CCDC195: variants seen among roughly 807,000 people sequenced by gnomAD.
CCDC195 encodes coiled-coil domain containing 195.
rs1689298705 is a variant in CCDC195 at position 224,710,232 on chromosome 2, C to T, written c.236-13G>A. ...ATCATGACATTGCCTGTACAAAAGA[C>T]ACAAAATCCAACTTAAAAAAATTCT... is the stretch of plus-strand genomic sequence containing the variant. On this transcript the variant is annotated splice_polypyrimidine_tract_variant and intron_variant, in intron 1 of 2. Transcript: ENST00000638102. 5.0e-6 allele frequency: 2 copies of T among 398,546 alleles called. No individual in the cohort carries two copies. The highest frequency in any genetic ancestry group is 3.6e-5 in the East Asian group (1 of 28,076). 24.7% of individuals were successfully genotyped at this position (398,546 alleles called of 1,614,324 possible).
chr2:224,715,730 TC>T, intron 1 of CCDC195, among the ~76,000 whole-genome samples: 1 of 152,342 alleles, frequency 6.6e-6, no homozygotes, highest in South Asian at 2.1e-4. Context: ...GACTTTGACA[TC>T]CATTCCCTTA....
At chr2:224,712,238 G>GT (rs1265344232) in intron 1 of CCDC195, among the ~76,000 whole-genome samples, 3 of 152,114 alleles carry the variant, frequency 2.0e-5, no homozygotes, top group Non-Finnish European at 4.4e-5. Flanking sequence ...AAAGATCACA[G>GT]CCAAATGCAG....
chr2:224,711,851 A>G (rs1689322875), intron 1 of CCDC195, among the ~76,000 whole-genome samples: 1 of 152,206 alleles, frequency 6.6e-6, no homozygotes, highest in Non-Finnish European at 1.5e-5. Context: ...GGGAGAGTTT[A>G]AGTTCAAATC....
chr2:224,711,273 G>A (rs1574757040), intron 1 of CCDC195, among the ~76,000 whole-genome samples: 2 of 151,976 alleles, frequency 1.3e-5, no homozygotes, highest in African/African-American at 2.4e-5. Flanking sequence ...AGAGATTTGT[G>A]GCTTTAGTTT....
chr2:224,711,919 G>T (rs1689323731), intron 1 of CCDC195, among the ~76,000 whole-genome samples: 1 of 152,134 alleles, frequency 6.6e-6, no homozygotes, highest in Non-Finnish European at 1.5e-5. Flanking sequence ...TGCTCCCCTT[G>T]GTCATGATAT....
chr2:224,713,043 A>T (rs1689333382), intron 1 of CCDC195, among the ~76,000 whole-genome samples: 1 of 151,940 alleles, frequency 6.6e-6, no homozygotes, highest in Non-Finnish European at 1.5e-5. Flanking sequence ...TAATTTTTGT[A>T]TTTTTAGTAG....
intron 1 of CCDC195, among the ~76,000 whole-genome samples, chr2:224,714,219 T>C (rs1689355085): frequency 6.6e-6 from 1 of 152,194 alleles, no homozygotes; most frequent in Non-Finnish European, 1.5e-5. Context: ...TGATATCAAT[T>C]ATGCGTTTAA....
At chr2:224,707,247 A>G in intron 2 of CCDC195, among the ~76,000 whole-genome samples, 1 of 152,232 alleles carries the variant, frequency 6.6e-6, no homozygotes, top group Non-Finnish European at 1.5e-5. Flanking sequence ...TGAAAAGAAC[A>G]TGTTATCCAC....
intron 2 of CCDC195, among the ~76,000 whole-genome samples, chr2:224,705,888 G>A (rs920030267): frequency 2.0e-5 from 3 of 152,138 alleles, no homozygotes; most frequent in South Asian, 4.1e-4. Flanking sequence ...CAGCTTGGAA[G>A]TTGGAAAACA....
chr2:224,714,060 G>A (rs528021698), intron 1 of CCDC195, among the ~76,000 whole-genome samples: 4 of 151,760 alleles, frequency 2.6e-5, no homozygotes, highest in East Asian at 3.9e-4. Flanking sequence ...GGCCAATCTC[G>A]AACTCCTGTC....
At chr2:224,708,984 T>C (rs986075229) in intron 2 of CCDC195, among the ~76,000 whole-genome samples, 3 of 152,142 alleles carry the variant, frequency 2.0e-5, no homozygotes, top group African/African-American at 7.2e-5. Flanking sequence ...GGCTTGATGT[T>C]AGAGGACTTG....
intron 2 of CCDC195, among the ~76,000 whole-genome samples, chr2:224,708,720 C>T (rs1005556117): frequency 2.6e-5 from 4 of 152,158 alleles, no homozygotes; most frequent in South Asian, 2.1e-4. Context: ...TGCTTTCCTG[C>T]CACTGCTGAG....
chr2:224,716,344 T>C (rs1009934974), exon 1 of CCDC195: 3 of 398,570 alleles, frequency 7.5e-6, no homozygotes, highest in Non-Finnish European at 1.3e-5. Flanking sequence ...ATAAGTCTCA[T>C]GAGCTGGATA....
Position 224,703,878 on chromosome 2 carries a change from TGTCTTGTCCCTACA to T in CCDC195, c.483-5_491del, listed in dbSNP as rs1697207699. On this transcript the variant is annotated splice_acceptor_variant and splice_polypyrimidine_tract_variant and coding_sequence_variant and intron_variant, in exon 3 of 3. Transcript: ENST00000638102. LOFTEE classifies it high-confidence loss of function. ...TGGGTAACAGGAAACTGACTGCCTT[TGTCTTGTCCCTACA>T]GGAAGCAAAATAAAGGGAAGAAAAA... 3 of 398,604 alleles carry T rather than the reference TGTCTTGTCCCTACA, an allele frequency of 7.5e-6. 1 individual carries two copies. 24.7% of individuals were successfully genotyped at this position (398,604 alleles called of 1,614,324 possible). A position where few individuals can be genotyped will look rare whatever the true frequency, so the allele number is the denominator to read the frequency against.
intron 1 of CCDC195, 98 bp downstream of exon 1, chr2:224,716,033 C>G (rs1432260918): frequency 5.0e-6 from 2 of 397,432 alleles, no homozygotes; most frequent in Non-Finnish European, 8.9e-6. Context: ...ACCGTTATTA[C>G]CAAACTATAC....
At chr2:224,709,925 C>A in intron 2 of CCDC195, 48 bp downstream of exon 2, 1 of 398,446 alleles carries the variant, frequency 2.5e-6, no homozygotes, top group South Asian at 1.3e-4. Flanking sequence ...TCTCAGTAAC[C>A]ATCTCAGTAT....
chr2:224,716,106 A>T (rs1282812947), intron 1 of CCDC195, 25 bp downstream of exon 1: 4 of 398,402 alleles, frequency 1.0e-5, no homozygotes, highest in Non-Finnish European at 1.8e-5. Context: ...GGCACAGCCC[A>T]CAAGAGCTCA....
At chr2:224,713,068 CATG>C (rs1689333649) in intron 1 of CCDC195, among the ~76,000 whole-genome samples, 1 of 152,074 alleles carries the variant, frequency 6.6e-6, no homozygotes, top group East Asian at 1.9e-4. Context: ...GGGGTTTCAC[CATG>C]TTAGCCAGGA....
chr2:224,706,873 G>A (rs1036829372), intron 2 of CCDC195, among the ~76,000 whole-genome samples: 1 of 149,626 alleles, frequency 6.7e-6, no homozygotes, highest in African/African-American at 2.5e-5. Flanking sequence ...ATATATATAT[G>A]TATGTGTGTC....
Sources: allele counts gnomAD v4.1 joint callset (sites outside exome capture counted in the v4.1 genomes callset), GRCh38; gene constraint gnomAD v4.1.1; transcripts MANE v1.5; gene names NCBI Gene and HGNC (gene_info 2026-07-23, HGNC 2026-07-21).